The following ZNF208 variants were observed in gnomAD, a reference collection of about 807,000 sequenced individuals.
ZNF208 encodes the protein zinc finger protein 208, also known as zinc finger protein 95.
In ZNF208, 10 loss-of-function variants were observed where a neutral mutation model predicts 12.1. The ratio of observed to expected loss-of-function variants is 0.83; its 90% CI spans 0.51 to 1.40. The LOEUF is 1.40. Ranked by LOEUF, ZNF208 falls within the 40% of genes most tolerant of loss-of-function variation. The pLI is 0.00. For missense variants in ZNF208, 1,652 were observed against 1,485.0 expected (o/e 1.11, Z -1.85); for synonymous variants, 497 against 488.4 (o/e 1.02, Z -0.23).
chr19:21,945,686 T>G (rs1211897666), intron 4 of ZNF208, among the ~76,000 whole-genome samples: 3 of 152,328 alleles, frequency 2.0e-5, no homozygotes, highest in Non-Finnish European at 4.4e-5. Flanking sequence ...CCAAAATGAT[T>G]TATATGGAAG....
chr19:22,010,519 GGA>G (rs1159139135), intron 1 of ZNF208, among the ~76,000 whole-genome samples: 2 of 152,206 alleles, frequency 1.3e-5, no homozygotes, highest in African/African-American at 2.4e-5. Context: ...TGCACATCTG[GGA>G]GAGACTCCGC....
chr19:21,961,915 C>T (rs1226022872), downstream of ZNF208, among the ~76,000 whole-genome samples: 3 of 152,028 alleles, frequency 2.0e-5, no homozygotes, highest in African/African-American at 2.4e-5. Flanking sequence ...TTCAAACACA[C>T]GTTTTACAAT....
rs1970670949 is a variant in ZNF208 at position 21,988,816 on chromosome 19, T to C, written c.97A>G (p.Met33Val). Residue 33 changes from methionine (M) to valine (V), a missense_variant, in exon 2 of 4, where the codon ATG (methionine) becomes GTG (valine). Physicochemically the swap from Met to Val is conservative, Grantham distance 21. Around this residue, in one of 3 missense-constraint regions of ZNF208, gnomAD observed 410 missense variants for 378.2 expected, o/e 1.08. Coordinates refer to ENST00000397126, the MANE Select transcript of ZNF208 (RefSeq NM_007153.3). Reference protein sequence around the residue: ...TAQQNLYRNVMLENYRNLVFL... With the variant: ...TAQQNLYRNVVLENYRNLVFL... ...ACCAGGTTTCTGTAGTTCTCTAACA[T>C]CACATTTCTATATAAATTCTGCTGT... 2 of 1,614,172 alleles carry C rather than the reference T, an allele frequency of 1.2e-6. No homozygotes were observed. Among genetic ancestry groups the C allele is most frequent in the Non-Finnish European group, 1.7e-6 (2 of 1,179,990 alleles).
Position 21,992,187 on chromosome 19 carries a change from T to C in ZNF208, c.4-3278A>G, listed in dbSNP as rs567518247. On this transcript the variant is annotated intron_variant, in intron 1 of 3. Coordinates refer to ENST00000397126, the MANE Select transcript of ZNF208 (RefSeq NM_007153.3). The stretch of plus-strand genomic sequence containing the variant: ...GATGATGAAGAGAAAAATAATTAAT[T>C]CTATAGTGAAAAAATGTGTCAGAAA... Among the ~76,000 whole-genome samples, 33 of 152,256 alleles carry C rather than the reference T, an allele frequency of 2.2e-4. No individual in the cohort carries two copies. In the East Asian group the frequency reaches 2.5e-3, roughly 12 times the overall value.
At chr19:21,987,189 A>G (rs373447841) in intron 3 of ZNF208, 27 bp downstream of exon 3, 4 of 1,600,012 alleles carry the variant, frequency 2.5e-6, no homozygotes, top group Non-Finnish European at 3.4e-6. Context: ...CCTCTCATCC[A>G]TGTTGTCTGT....
intron 4 of ZNF208, among the ~76,000 whole-genome samples, chr19:21,957,815 T>A (rs1016742916): frequency 1.3e-5 from 2 of 151,964 alleles, no homozygotes; most frequent in African/African-American, 4.8e-5. Context: ...GAGTAGCTTT[T>A]TTTTAAATTT....
At chr19:21,951,250 T>C (rs1849000) in intron 4 of ZNF208, among the ~76,000 whole-genome samples, 84,736 of 152,036 alleles carry the variant, frequency 0.56, 23,884 homozygotes, top group East Asian at 0.69. Flanking sequence ...TCAGACTTTA[T>C]CTGCTCCTAG....
chr19:22,006,517 A>G (rs1181849511), intron 1 of ZNF208, among the ~76,000 whole-genome samples: 2 of 152,064 alleles, frequency 1.3e-5, no homozygotes, highest in African/African-American at 2.4e-5. Flanking sequence ...AACCTCTTCT[A>G]TCTTAACCTT....
intron 4 of ZNF208, among the ~76,000 whole-genome samples, chr19:21,945,038 A>G (rs530521703): frequency 6.6e-6 from 1 of 152,326 alleles, no homozygotes; most frequent in South Asian, 2.1e-4. Context: ...TTTACTCATT[A>G]TAATAGTAAA....
In ZNF208 at chr19:21,970,006, T is replaced by C. The variant is rs1469281772; in HGVS notation, c.*1185A>G. ...GAGCACTGGTTAAATGTTTGTCACA[T>C]TGTTTATTACAGTAGTTTTCTCCAG... On this transcript the variant is annotated 3_prime_UTR_variant, in exon 4 of 4. Coordinates refer to ENST00000397126, the MANE Select transcript of ZNF208 (RefSeq NM_007153.3). Among the ~76,000 whole-genome samples, 4 of 152,288 alleles carry C rather than the reference T, an allele frequency of 2.6e-5. No individual in the cohort carries two copies. Among genetic ancestry groups the C allele is most frequent in the Non-Finnish European group, 5.9e-5 (4 of 68,026 alleles).
rs1309713590 is a variant in ZNF208 at position 21,973,580 on chromosome 19, T to C, written c.1454A>G (p.Glu485Gly). The change falls in exon 4 of 4, where the codon GAA (glutamate) becomes GGA (glycine). Residue 485 changes from glutamate (E) to glycine (G), a missense_variant. By Grantham distance (98) the Glu-to-Gly change is moderately conservative (BLOSUM62 -2). Transcript: ENST00000397126. Reference sequence around the variant, plus strand: ...TCCAGCATGAGTTGCCTTATCACATTCTTCACATTTGTAGGGTTTCTCTCC... The same window carrying C: ...TCCAGCATGAGTTGCCTTATCACATCCTTCACATTTGTAGGGTTTCTCTCC... The part of the protein sequence containing the change: ...HNGEKPYKCE[E>G]CDKATHAGEK... The C allele has an allele frequency of 6.2e-7, 1 of 1,612,720 alleles. No individual in the cohort carries two copies. Among genetic ancestry groups the C allele is most frequent in the Non-Finnish European group, 8.5e-7 (1 of 1,179,576 alleles).
At chr19:21,949,205 G>A (rs1327337296) in intron 4 of ZNF208, among the ~76,000 whole-genome samples, 2 of 152,152 alleles carry the variant, frequency 1.3e-5, no homozygotes, top group African/African-American at 4.8e-5. Context: ...ATATTTCTAG[G>A]TTTTGTCATC....
Position 21,977,644 on chromosome 19 carries a change from G to A in ZNF208, c.227-2837C>T, listed in dbSNP as rs79115606. Reference sequence around the variant, plus strand: ...GGCCCTGGGTTTCAAGCACAAAACTGGGTGGCCATTTGAGCAGACACCAAA... The same window carrying A: ...GGCCCTGGGTTTCAAGCACAAAACTAGGTGGCCATTTGAGCAGACACCAAA... On this transcript the variant is annotated intron_variant, in intron 3 of 3. Transcript: ENST00000397126. 7.8e-3 allele frequency among the ~76,000 whole-genome samples: 1,181 copies of A among 152,238 alleles called. 14 individuals carry two copies. The highest frequency in any genetic ancestry group is 0.026 in the African/African-American group (1,092 of 41,530).
At chr19:21,994,775 T>C (rs527922008) in intron 1 of ZNF208, among the ~76,000 whole-genome samples, 3 of 152,156 alleles carry the variant, frequency 2.0e-5, no homozygotes, top group Admixed American at 6.5e-5. Flanking sequence ...AGTTCAGGTG[T>C]AGACATCAGA....
At position 21,968,805 on chromosome 19, in the gene ZNF208, T is replaced by C. The variant is rs59967190; in HGVS notation, c.*2386A>G. The stretch of plus-strand genomic sequence containing the variant: ...GGTAAAACTTCGCTGTGATTTCATA[T>C]GATCCAGGGCTTTTTATGGTTAGTA... On this transcript the variant is annotated 3_prime_UTR_variant, in exon 4 of 4. Coordinates refer to ENST00000397126, the MANE Select transcript of ZNF208 (RefSeq NM_007153.3). Among the ~76,000 whole-genome samples the C allele has an allele frequency of 2.0e-5, 3 of 152,132 alleles. No homozygotes were observed. Among genetic ancestry groups the C allele is most frequent in the African/African-American group, 7.2e-5 (3 of 41,424 alleles).
At chr19:21,958,935 A>G (rs551238034) in intron 4 of ZNF208, among the ~76,000 whole-genome samples, 2 of 152,176 alleles carry the variant, frequency 1.3e-5, no homozygotes, top group East Asian at 3.9e-4. Context: ...TTACCTACCA[A>G]GCCAGGCAAA....
At position 21,973,333 on chromosome 19, in the gene ZNF208, G is replaced by A. The variant is rs1287093615; in HGVS notation, c.1701C>T (p.Thr567=). Residue 567 remains threonine, a synonymous_variant, in exon 4 of 4, where the codon ACC becomes ACT. Transcript: ENST00000397126. ...TATGAATTTTCTTATGATAACTAAG[G>A]GTTGAGGACCACTTATAGGCTTTGC... The part of the protein sequence containing the change: ...ECGKAYKWSS[T]LSYHKKIHTV... The A allele has an allele frequency of 1.9e-6, 3 of 1,609,644 alleles. No individual in the cohort carries two copies. The highest frequency in any genetic ancestry group is 3.3e-5 in the Admixed American group (2 of 59,736).
chr19:21,996,707 C>T (rs1176363672), intron 1 of ZNF208, among the ~76,000 whole-genome samples: 8 of 152,260 alleles, frequency 5.3e-5, no homozygotes, highest in East Asian at 1.9e-4. Flanking sequence ...TGGATTCTCA[C>T]GTCTACAGGT....
chr19:21,973,146 T>C lies in ZNF208; in HGVS notation c.1888A>G (p.Ile630Val), dbSNP rs757937575. The C allele has an allele frequency of 6.2e-7, 1 of 1,613,524 alleles. No homozygotes were observed. The highest frequency in any genetic ancestry group is 8.5e-7 in the Non-Finnish European group (1 of 1,179,756). ...KVSTLTTHKAIHAGEKPYKCK... is the reference protein window; with the variant it reads ...KVSTLTTHKAVHAGEKPYKCK... ...TTGTAGGGCTTCTCTCCAGCATGAA[T>C]TGCCTTATGTGTAGTAAGGGTTGAG... The change falls in exon 4 of 4, where the codon ATT becomes GTT. Residue 630 changes from isoleucine (I) to valine (V), a missense_variant. By Grantham distance (29) the Ile-to-Val change is conservative (BLOSUM62 3). This residue lies in a region of ZNF208 where 1,239 missense variants were observed against 1,086.2 expected (regional missense o/e 1.14). Transcript: ENST00000397126.
Sources: gnomAD v4.1 joint callset for allele counts (sites outside exome capture counted in the v4.1 genomes callset) on GRCh38, gnomAD v4.1.1 for gene constraint, gnomAD v4.1.1 regional missense constraint, MANE v1.5 for transcripts, NCBI Gene and HGNC (gene_info 2026-07-23, HGNC 2026-07-21) for gene names.